The following ALOXE3 variants were observed in gnomAD, a reference collection of about 807,000 sequenced individuals.
ALOXE3 encodes the protein hydroperoxide isomerase ALOXE3.
A neutral mutation model predicts 87.5 loss-of-function variants in ALOXE3; 78 were observed. The ratio of observed to expected loss-of-function variants is 0.89; its 90% CI spans 0.74 to 1.08. The LOEUF is 1.08. Among genes scored for constraint, ALOXE3 ranks in the 50% least tolerant of loss-of-function variants. ALOXE3 has a pLI of 0.00. For missense variants in ALOXE3, 946 were observed against 912.4 expected (o/e 1.04, Z -0.47); for synonymous variants, 363 against 370.8 (o/e 0.98, Z 0.24).
At chr17:8,102,716 A>G (rs1979002255) in intron 15 of ALOXE3, among the ~76,000 whole-genome samples, 1 of 152,130 alleles carries the variant, frequency 6.6e-6, no homozygotes, top group Non-Finnish European at 1.5e-5. Flanking sequence ...ATTTCAACTT[A>G]GATGTCACTT....
Position 8,110,437 on chromosome 17 carries a change from A to G in ALOXE3, c.1049T>C (p.Leu350Pro). 6.2e-7 allele frequency: 1 copy of G among 1,613,046 alleles called. No homozygotes were observed. Among genetic ancestry groups the G allele is most frequent in the Non-Finnish European group, 8.5e-7 (1 of 1,179,472 alleles). The change falls in exon 9 of 16, where the codon CTG becomes CCG. Residue 350 changes from leucine (L) to proline (P), a missense_variant. By Grantham distance (98) the Leu-to-Pro change is moderately conservative. Transcript: ENST00000448843. ...NGRQQYVAAP[L>P]CLLWLSPQGA... ...CTGGGGGCTGAGCCACAGCAGGCAC[A>G]GTGGGGCGGCCACGTACTGCTGGCG...
At chr17:8,109,675 G>A (rs1320894175) in intron 11 of ALOXE3, among the ~76,000 whole-genome samples, 1 of 151,460 alleles carries the variant, frequency 6.6e-6, no homozygotes, top group Non-Finnish European at 1.5e-5. Flanking sequence ...GGGGCTGGGG[G>A]CGGTGGGCGG....
At position 8,116,983 on chromosome 17, in the gene ALOXE3, G is replaced by A; in HGVS notation, c.148-3C>T. The A allele has an allele frequency of 2.5e-6, 4 of 1,613,114 alleles. No individual in the cohort carries two copies. Among genetic ancestry groups the A allele is most frequent in the Non-Finnish European group, 3.4e-6 (4 of 1,179,530 alleles). ...CAACGCACCTTGTACTTCTGTACCT[G>A]AGGGGACCAAGACAGCAAGCAGGTG... is the stretch of plus-strand genomic sequence containing the variant. On this transcript the variant is annotated splice_region_variant and splice_polypyrimidine_tract_variant and intron_variant, in intron 2 of 15. Transcript: ENST00000448843.
Position 8,110,386 on chromosome 17 carries a change from T to C in ALOXE3, c.1100A>G (p.Gln367Arg), listed in dbSNP as rs1979957012. The change falls in exon 9 of 16, where the codon CAG (glutamine) becomes CGG (arginine). Residue 367 changes from glutamine (Q) to arginine (R), a missense_variant and splice_region_variant. Transcript: ENST00000448843. ...CCGGGGCGGCGGCGCCGGGCTCACC[T>C]GGATGGCCAAGGGCACCAGCGCCCC... ...PQGALVPLAI[Q>R]LSQTPGPDSP... 2 of 1,606,872 alleles carry C rather than the reference T, an allele frequency of 1.2e-6. No homozygotes were observed. The highest frequency in any genetic ancestry group is 1.7e-4 in the Middle Eastern group (1 of 5,938).
intron 14 of ALOXE3, 105 bp from the exon 15 acceptor site, chr17:8,103,598 G>T: frequency 8.2e-7 from 1 of 1,219,756 alleles, no homozygotes; most frequent in Non-Finnish European, 1.2e-6. Context: ...GGTGATAGTT[G>T]GGAAATGAGG....
intron 4 of ALOXE3, among the ~76,000 whole-genome samples, 198 bp from the exon 5 acceptor site, chr17:8,115,255 G>T (rs568149128): frequency 2.3e-4 from 35 of 152,334 alleles, no homozygotes; most frequent in African/African-American, 8.4e-4. Flanking sequence ...GCCCACACTG[G>T]GTTAGAGATG....
intron 6 of ALOXE3, among the ~76,000 whole-genome samples, chr17:8,113,753 G>A (rs776408186): frequency 2.0e-5 from 3 of 152,196 alleles, no homozygotes; most frequent in African/African-American, 4.8e-5. Flanking sequence ...TGGGCTGGGC[G>A]TGGTGGCTCA....
chr17:8,096,804 C>T lies in ALOXE3; in HGVS notation c.1959G>A (p.Arg653=), dbSNP rs1978572505. 6.2e-7 allele frequency: 1 copy of T among 1,613,966 alleles called. No homozygotes were observed. The highest frequency in any genetic ancestry group is 8.5e-7 in the Non-Finnish European group (1 of 1,180,024). ...GCTCATCTGGGTAGGTGCCCAGGGG[C>T]CTCTGGGAGGACATCAGGTAAGAGG... ...WLVSQEPKDQ[R]PLGTYPDEHF... Residue 653 remains arginine, a splice_region_variant and synonymous_variant, in exon 16 of 16, where the codon AGG becomes AGA. Coordinates refer to ENST00000448843, the MANE Select transcript of ALOXE3 (RefSeq NM_021628.3).
In ALOXE3 at chr17:8,118,018, C is replaced by T. The variant is rs778016171; in HGVS notation, c.-28G>A. The T allele has an allele frequency of 2.5e-6, 4 of 1,606,730 alleles. No homozygotes were observed. Among genetic ancestry groups the T allele is most frequent in the Non-Finnish European group, 3.4e-6 (4 of 1,178,596 alleles). ...TGGGAAGGAGGAAGGGATGCCCCGG[C>T]AACGCTGGCCGCAGCAGCAGCCGGC... On this transcript the variant is annotated 5_prime_UTR_variant, in exon 2 of 16. Coordinates refer to ENST00000448843, the MANE Select transcript of ALOXE3 (RefSeq NM_021628.3).
chr17:8,109,052 A>G, intron 12 of ALOXE3, 122 bp downstream of exon 12: 3 of 1,435,714 alleles, frequency 2.1e-6, no homozygotes, highest in Non-Finnish European at 2.8e-6. Flanking sequence ...CATACCCTCA[A>G]GAATTCCCTA....
chr17:8,109,482 G>T, intron 11 of ALOXE3, 139 bp from the exon 12 acceptor site: 1 of 1,174,972 alleles, frequency 8.5e-7, no homozygotes, highest in South Asian at 1.4e-5. Context: ...ATACCCACGA[G>T]GGCCTGCCTG....
At chr17:8,106,857 G>C (rs1567995248) in intron 13 of ALOXE3, among the ~76,000 whole-genome samples, 1 of 152,092 alleles carries the variant, frequency 6.6e-6, no homozygotes, top group Non-Finnish European at 1.5e-5. Context: ...AGAATGTTCT[G>C]ATGCACTAAC....
intron 3 of ALOXE3, among the ~76,000 whole-genome samples, chr17:8,115,920 G>T (rs1980546138): frequency 2.6e-5 from 4 of 152,314 alleles, no homozygotes; most frequent in Middle Eastern, 3.4e-3. Context: ...CTCCCCTCCA[G>T]ACTATAAACT....
intron 13 of ALOXE3, among the ~76,000 whole-genome samples, chr17:8,104,421 T>C (rs989459061): frequency 2.0e-5 from 3 of 152,112 alleles, no homozygotes; most frequent in African/African-American, 4.8e-5. Context: ...GGCTGGGATC[T>C]GGCCAGAAAA....
At chr17:8,116,525 G>A (rs990765472) in intron 3 of ALOXE3, among the ~76,000 whole-genome samples, 2 of 152,166 alleles carry the variant, frequency 1.3e-5, no homozygotes, top group African/African-American at 4.8e-5. Flanking sequence ...TGCTTCCTAT[G>A]TGTATGAGAG....
intron 15 of ALOXE3, among the ~76,000 whole-genome samples, chr17:8,099,805 C>T (rs1286636107): frequency 1.3e-5 from 2 of 151,998 alleles, no homozygotes; most frequent in African/African-American, 4.8e-5. Flanking sequence ...TGCAGTGGCT[C>T]ACACCTATAA....
At chr17:8,107,157 G>A (rs1397107363) in intron 13 of ALOXE3, among the ~76,000 whole-genome samples, 2 of 152,142 alleles carry the variant, frequency 1.3e-5, no homozygotes, top group East Asian at 3.9e-4. Context: ...GGAGGGAGGA[G>A]CTGTCAGGAT....
At chr17:8,118,650 C>T (rs1383283887), upstream of ALOXE3, 7 of 1,537,102 alleles carry the variant, frequency 4.6e-6, no homozygotes, top group Non-Finnish European at 6.1e-6. Context: ...TACACCGATC[C>T]CCCCACGCAT....
In ALOXE3 at chr17:8,114,364, G is replaced by A. The variant is rs536642305; in HGVS notation, c.680+120C>T. The A allele has an allele frequency of 4.5e-4, 623 of 1,395,474 alleles. 13 individuals are homozygous for A. The South Asian group carries it at 7.1e-3, about 16-fold the overall frequency. 86.4% of individuals were successfully genotyped at this position (1,395,474 alleles called of 1,614,324 possible). On this transcript the variant is annotated intron_variant, in intron 6 of 15. Coordinates refer to ENST00000448843, the MANE Select transcript of ALOXE3 (RefSeq NM_021628.3). ...AGGGAGAGGGAATGAGTCCAGAGAGGAGGGACTGGGGCAGGGAGAGGGGAT... is the reference window on the plus strand; with the variant it reads ...AGGGAGAGGGAATGAGTCCAGAGAGAAGGGACTGGGGCAGGGAGAGGGGAT...
Sources: gnomAD v4.1 joint callset for allele counts (sites outside exome capture counted in the v4.1 genomes callset) on GRCh38, gnomAD v4.1.1 for gene constraint, MANE v1.5 for transcripts, NCBI Gene and HGNC (gene_info 2026-07-23, HGNC 2026-07-21) for gene names.